CALY: variants seen among roughly 807,000 people sequenced by gnomAD.
CALY encodes the protein neuron-specific vesicular protein calcyon.
A neutral mutation model predicts 20.2 loss-of-function variants in CALY; 15 were observed. The observed-to-expected ratio is 0.74, with a 90% CI of 0.50 to 1.14. The LOEUF is 1.14. Among genes scored for constraint, CALY ranks in the 50% most tolerant of loss-of-function variants. The pLI is 0.00. For missense variants in CALY, 270 were observed against 304.4 expected (o/e 0.89, Z 0.84); for synonymous variants, 129 against 131.8 (o/e 0.98, Z 0.15).
At chr10:133,327,075 G>T in intron 3 of CALY, 84 bp from the exon 4 acceptor site, 1 of 919,568 alleles carries the variant, frequency 1.1e-6, no homozygotes, top group Non-Finnish European at 1.7e-6. Context: ...GGCTGGCACA[G>T]GACCATCCCC....
At position 133,327,963 on chromosome 10, in the gene CALY, T is replaced by C; in HGVS notation, c.188A>G (p.Asn63Ser). The change falls in exon 3 of 6, where the codon AAT becomes AGT. Residue 63 changes from asparagine (N) to serine (S), a missense_variant. Coordinates refer to ENST00000252939, the MANE Select transcript of CALY (RefSeq NM_015722.4). ...CCTCTGGCCCTCCAGGTCAGGGAAA[T>C]TCTGCTGGTCTGGGGAGGACAGCTG... ...EYQLSSPDQQ[N>S]FPDLEGQRLN... 6.2e-7 allele frequency: 1 copy of C among 1,613,326 alleles called. No homozygotes were observed. Among genetic ancestry groups the C allele is most frequent in the Non-Finnish European group, 8.5e-7 (1 of 1,179,770 alleles).
intron 1 of CALY, among the ~76,000 whole-genome samples, chr10:133,330,622 C>T (rs1447669967): frequency 8.0e-6 from 1 of 125,358 alleles, no homozygotes; most frequent in East Asian, 2.3e-4. Flanking sequence ...CGCGCCACCG[C>T]ACTCCAGCCT....
chr10:133,336,490 C>G (rs1465716562), intron 1 of CALY, among the ~76,000 whole-genome samples: 1 of 152,148 alleles, frequency 6.6e-6, no homozygotes, highest in African/African-American at 2.4e-5. Flanking sequence ...TACCCCCTCC[C>G]CACCTCGGAG....
chr10:133,324,216 C>G lies in CALY; in HGVS notation c.*1379G>C, dbSNP rs1414734993. The G allele has an allele frequency of 2.6e-6, 1 of 378,510 alleles. No homozygotes were observed. The highest frequency in any genetic ancestry group is 2.1e-5 in the African/African-American group (1 of 47,996). The allele number at this position is 378,510 out of a possible 1,614,324, so 23.4% of individuals were successfully genotyped here. ...TTCAGTTCTGCGTGTGCTTGTTCAT[C>G]TGGCCAATGCCCTTAGAAGCCCAGC... On this transcript the variant is annotated 3_prime_UTR_variant, in exon 6 of 6. Transcript: ENST00000252939.
chr10:133,325,394 G>C lies in CALY; in HGVS notation c.*201C>G, dbSNP rs1023827413. On this transcript the variant is annotated 3_prime_UTR_variant, in exon 6 of 6. Transcript: ENST00000252939. The stretch of plus-strand genomic sequence containing the variant: ...GGGGGGCGGGAGAAAGGCCAGCCCG[G>C]CAGAGGACGCGCAGGAGAGATGGAA... 6.5e-6 allele frequency: 1 copy of C among 154,520 alleles called. No individual in the cohort carries two copies. Among genetic ancestry groups the C allele is most frequent in the Admixed American group, 6.5e-5 (1 of 15,336 alleles). 9.6% of individuals were successfully genotyped at this position (154,520 alleles called of 1,614,324 possible).
rs566657426 is a variant in CALY at position 133,325,924 on chromosome 10, G to A, written c.557C>T (p.Ala186Val). ...RKGPTQAGAAAAATEPPGKPS... is the reference protein window; with the variant it reads ...RKGPTQAGAAVAATEPPGKPS... ...CTTCCCGGGGGGTTCGGTGGCCGCCGCCGCCGCCCCAGCCTGGGTGGGCCC... is the reference window on the plus strand; with the variant it reads ...CTTCCCGGGGGGTTCGGTGGCCGCCACCGCCGCCCCAGCCTGGGTGGGCCC... The change falls in exon 5 of 6, where the codon GCG becomes GTG. Residue 186 changes from alanine (A) to valine (V), a missense_variant. Coordinates refer to ENST00000252939, the MANE Select transcript of CALY (RefSeq NM_015722.4). The A allele has an allele frequency of 1.4e-5, 18 of 1,307,298 alleles. No homozygotes were observed. Among genetic ancestry groups the A allele is most frequent in the Non-Finnish European group, 9.8e-7 (1 of 1,024,036 alleles). 81.0% of individuals were successfully genotyped at this position (1,307,298 alleles called of 1,614,324 possible). A position where few individuals can be genotyped will look rare whatever the true frequency, so the allele number is the denominator to read the frequency against.
intron 1 of CALY, 70 bp from the exon 2 acceptor site, chr10:133,329,079 G>A: frequency 2.2e-6 from 3 of 1,355,190 alleles, no homozygotes; most frequent in South Asian, 2.8e-5. Flanking sequence ...TGGCTCTGAA[G>A]CCAGAGGACC....
At chr10:133,332,927 C>T (rs1404165249) in intron 1 of CALY, among the ~76,000 whole-genome samples, 1 of 152,110 alleles carries the variant, frequency 6.6e-6, no homozygotes, top group South Asian at 2.1e-4. Context: ...TTGGAGGGAG[C>T]ATGGCCCCGT....
At chr10:133,333,250 G>T (rs553264012) in intron 1 of CALY, among the ~76,000 whole-genome samples, 30 of 130,964 alleles carry the variant, frequency 2.3e-4, no homozygotes, top group African/African-American at 9.0e-4. Context: ...AGGGTGGAAT[G>T]ATTGCAAGGT....
Position 133,326,139 on chromosome 10 carries a change from C to T in CALY, c.361-19G>A, listed in dbSNP as rs769559058. On this transcript the variant is annotated intron_variant, in intron 4 of 5. Transcript: ENST00000252939. ...TCTTGTGCTGCGGGAGGGGCCGGGT[C>T]AGGGTCGGTGGGGCTGAGCCCTCCT... 2 of 1,593,188 alleles carry T rather than the reference C, an allele frequency of 1.3e-6. No homozygotes were observed. Among genetic ancestry groups the T allele is most frequent in the East Asian group, 4.5e-5 (2 of 44,134 alleles).
chr10:133,336,039 G>T (rs535707316), intron 1 of CALY, among the ~76,000 whole-genome samples: 1 of 152,248 alleles, frequency 6.6e-6, no homozygotes, highest in African/African-American at 2.4e-5. Context: ...ACGCTGGGGG[G>T]TGCGCGCAGG....
intron 3 of CALY, 170 bp downstream of exon 3, chr10:133,327,735 C>T (rs1187738602): frequency 5.6e-6 from 4 of 710,270 alleles, no homozygotes; most frequent in Non-Finnish European, 1.0e-5. Context: ...CTGGTGGGTG[C>T]AGGGCAGCCG....
Position 133,325,971 on chromosome 10 carries a change from G to A in CALY, c.510C>T (p.Arg170=). 6.5e-7 allele frequency: 1 copy of A among 1,543,818 alleles called. No homozygotes were observed. The highest frequency in any genetic ancestry group is 2.5e-5 in the East Asian group (1 of 40,582). Residue 170 remains arginine, a synonymous_variant, in exon 5 of 6, where the codon CGC becomes CGT. Transcript: ENST00000252939. ...ETPAAWGDGY[R]AAKEERKGPT... is the part of the protein sequence containing the mutation. The stretch of plus-strand genomic sequence containing the variant: ...GCCCCTTGCGCTCCTCCTTGGCTGC[G>A]CGGTAGCCGTCCCCCCAGGCCGCCG...
At chr10:133,327,855 CTTCT>C in intron 3 of CALY, 46 bp downstream of exon 3, 1 of 1,289,856 alleles carries the variant, frequency 7.8e-7, no homozygotes, top group Non-Finnish European at 1.1e-6. Flanking sequence ...TGCCTTCCAC[CTTCT>C]CCTCCTGTCC....
intron 1 of CALY, among the ~76,000 whole-genome samples, chr10:133,330,547 A>G (rs1848287643): frequency 7.3e-6 from 1 of 137,298 alleles, no homozygotes. Flanking sequence ...AGTCCCAGCT[A>G]CTTGGGAGGC....
chr10:133,333,567 G>A (rs1267456159), intron 1 of CALY, among the ~76,000 whole-genome samples: 2 of 151,684 alleles, frequency 1.3e-5, no homozygotes, highest in Non-Finnish European at 2.9e-5. Flanking sequence ...CGATCCAAGT[G>A]GGGTAGGATC....
At chr10:133,334,662 C>A (rs1367219568) in intron 1 of CALY, among the ~76,000 whole-genome samples, 1 of 135,940 alleles carries the variant, frequency 7.4e-6, no homozygotes, top group Non-Finnish European at 1.6e-5. Flanking sequence ...GCAGCTTCTG[C>A]GTGGGGAAAG....
chr10:133,327,421 A>G, intron 3 of CALY: 2 of 502,572 alleles, frequency 4.0e-6, no homozygotes, highest in Non-Finnish European at 7.0e-6. Context: ...ACGTGAGGCC[A>G]GGGGCGGGGA....
At chr10:133,332,421 G>A (rs927655591) in intron 1 of CALY, among the ~76,000 whole-genome samples, 2 of 152,184 alleles carry the variant, frequency 1.3e-5, no homozygotes, top group African/African-American at 4.8e-5. Context: ...TAATACAGAA[G>A]AAGATTTTTC....
Sources: allele counts gnomAD v4.1 joint callset (sites outside exome capture counted in the v4.1 genomes callset), GRCh38; gene constraint gnomAD v4.1.1; transcripts MANE v1.5; gene names NCBI Gene and HGNC (gene_info 2026-07-23, HGNC 2026-07-21).